Variants in KCNQ3 observed in about 807,000 individuals in gnomAD.
The protein encoded by KCNQ3 is potassium voltage-gated channel subfamily Q member 3, also known as potassium voltage-gated channel subfamily KQT member 3.
In KCNQ3, 30 loss-of-function variants were observed where a neutral mutation model predicts 92.5. The ratio of observed to expected loss-of-function variants is 0.32; its 90% CI spans 0.24 to 0.44. The LOEUF (loss-of-function observed/expected upper bound fraction) is 0.44. Among genes scored for constraint, KCNQ3 ranks in the 20% least tolerant of loss-of-function variants. The pLI is 1.00. For missense variants in KCNQ3, 913 were observed against 1,140.3 expected, an observed-to-expected ratio of 0.80 and a Z score of 2.87; for synonymous variants, 450 against 468.8, an observed-to-expected ratio of 0.96 and a Z score of 0.52.
intron 1 of KCNQ3, among the ~76,000 whole-genome samples, chr8:132,414,968 C>T (rs1158042288): frequency 6.6e-6 from 1 of 152,212 alleles, no homozygotes; most frequent in Non-Finnish European, 1.5e-5. Flanking sequence ...GACCACCTCC[C>T]GGAGAGGGGC....
intron 1 of KCNQ3, among the ~76,000 whole-genome samples, chr8:132,215,439 T>C (rs532619853): frequency 6.6e-6 from 1 of 152,298 alleles, no homozygotes; most frequent in Admixed American, 6.5e-5. Flanking sequence ...CAGTAGAAGA[T>C]GCATCTCTAT....
In KCNQ3 at chr8:132,128,601, A is replaced by G. The variant is rs1824747870; in HGVS notation, c.*661T>C. 6.6e-6 allele frequency: 1 copy of G among 152,664 alleles called. No individual in the cohort carries two copies. The highest frequency in any genetic ancestry group is 2.4e-5 in the African/African-American group (1 of 41,118). 9.5% of individuals were successfully genotyped at this position (152,664 alleles called of 1,614,324 possible). On this transcript the variant is annotated 3_prime_UTR_variant, in exon 15 of 15. Coordinates refer to ENST00000388996, the MANE Select transcript of KCNQ3 (RefSeq NM_004519.4). ...AAATGCTACACTTGGGATTACCACC[A>G]CTTTTTACAGATAAGGAAACTGAGG... is the stretch of plus-strand genomic sequence containing the variant.
intron 1 of KCNQ3, among the ~76,000 whole-genome samples, chr8:132,273,256 T>G (rs1236323347): frequency 7.2e-5 from 11 of 152,220 alleles, no homozygotes; most frequent in Admixed American, 5.9e-4. Context: ...AAGTGGAGGT[T>G]TACAAACCTC....
chr8:132,220,812 T>C (rs77444033), intron 1 of KCNQ3, among the ~76,000 whole-genome samples: 2 of 122,526 alleles, frequency 1.6e-5, no homozygotes, highest in East Asian at 2.2e-4. Context: ...GGCATGAAAC[T>C]TTTTTTTATT....
chr8:132,360,913 T>G (rs1282476929), intron 1 of KCNQ3, among the ~76,000 whole-genome samples: 1 of 152,230 alleles, frequency 6.6e-6, no homozygotes, highest in Non-Finnish European at 1.5e-5. Context: ...AGGGAGGGAC[T>G]GTGACCTGGC....
intron 1 of KCNQ3, among the ~76,000 whole-genome samples, chr8:132,477,810 A>G (rs1436985574): frequency 2.0e-5 from 3 of 152,154 alleles, no homozygotes; most frequent in Admixed American, 1.3e-4. Context: ...TGCATTAACA[A>G]TGGGGAAAGG....
At chr8:132,364,771 G>A (rs1819272653) in intron 1 of KCNQ3, among the ~76,000 whole-genome samples, 1 of 151,956 alleles carries the variant, frequency 6.6e-6, no homozygotes, top group Admixed American at 6.6e-5. Flanking sequence ...TGGATGGATG[G>A]GTGAGTCAGT....
intron 1 of KCNQ3, among the ~76,000 whole-genome samples, chr8:132,477,689 A>C (rs1337436319): frequency 6.6e-6 from 1 of 152,158 alleles, no homozygotes; most frequent in Non-Finnish European, 1.5e-5. Context: ...TTTTCCTAAC[A>C]CTGTGGCTTC....
chr8:132,391,898 G>C (rs975874419), intron 1 of KCNQ3, among the ~76,000 whole-genome samples: 1 of 152,104 alleles, frequency 6.6e-6, no homozygotes, highest in African/African-American at 2.4e-5. Flanking sequence ...GTATGGACAC[G>C]GTGTGTTTTC....
rs1821270836 is a variant in KCNQ3, at chr8:132,432,201, T to TG, written c.386+47945dup. Among the ~76,000 whole-genome samples, 7 of 152,250 alleles carry TG rather than the reference T, an allele frequency of 4.6e-5. No individual in the cohort carries two copies. In the South Asian group the frequency reaches 1.5e-3, roughly 32 times the overall value. On this transcript the variant is annotated intron_variant, in intron 1 of 14. Transcript: ENST00000388996. Reference sequence around the variant, plus strand: ...CATATCAGCAGCACCTGGGATGGGATGGGGCACTTGGCAGGCCCTCAGTGC... The same window carrying TG: ...CATATCAGCAGCACCTGGGATGGGATGGGGGCACTTGGCAGGCCCTCAGTGC...
At chr8:132,470,371 T>C (rs544245119) in intron 1 of KCNQ3, among the ~76,000 whole-genome samples, 3 of 152,382 alleles carry the variant, frequency 2.0e-5, no homozygotes, top group Admixed American at 1.3e-4. Flanking sequence ...AACATACATA[T>C]ATATTCTCTT....
chr8:132,388,253 G>A (rs1221606012), intron 1 of KCNQ3, among the ~76,000 whole-genome samples: 1 of 152,050 alleles, frequency 6.6e-6, no homozygotes, highest in Non-Finnish European at 1.5e-5. Flanking sequence ...ATTTTAAATG[G>A]ACTTAAATTT....
At chr8:132,468,513 C>T (rs912253187) in intron 1 of KCNQ3, among the ~76,000 whole-genome samples, 1 of 152,212 alleles carries the variant, frequency 6.6e-6, no homozygotes, top group African/African-American at 2.4e-5. Flanking sequence ...GGTAGGACAC[C>T]AGCTTAGGAG....
intron 1 of KCNQ3, among the ~76,000 whole-genome samples, chr8:132,407,894 C>G (rs528930659): frequency 6.6e-6 from 1 of 152,186 alleles, no homozygotes; most frequent in South Asian, 2.1e-4. Context: ...TCCGAGCTAA[C>G]GAAGAGGGCA....
intron 1 of KCNQ3, among the ~76,000 whole-genome samples, chr8:132,307,609 T>C (rs1309229379): frequency 6.6e-6 from 1 of 152,216 alleles, no homozygotes; most frequent in Non-Finnish European, 1.5e-5. Context: ...GACAAAGTTT[T>C]GTTCACTGCA....
chr8:132,138,115 C>A, intron 11 of KCNQ3, 99 bp from the exon 12 acceptor site: 1 of 1,414,798 alleles, frequency 7.1e-7, no homozygotes, highest in Non-Finnish European at 9.8e-7. Context: ...AGAAAAGAAC[C>A]AAAGATAAAA....
rs140091603 is a variant in KCNQ3, at chr8:132,343,892, G to A, written c.386+136255C>T. Among the ~76,000 whole-genome samples the A allele has an allele frequency of 4.5e-4, 68 of 152,278 alleles. 1 individual carries two copies. Among genetic ancestry groups the A allele is most frequent in the African/African-American group, 1.6e-3 (65 of 41,548 alleles). ...CAAATCTGCTCAACGAAGAAGACAG[G>A]AAATGAAATGAGATTTGAAGCCAAG... On this transcript the variant is annotated intron_variant, in intron 1 of 14. Transcript: ENST00000388996.
chr8:132,203,636 A>G (rs1827530509), intron 1 of KCNQ3, among the ~76,000 whole-genome samples: 1 of 152,142 alleles, frequency 6.6e-6, no homozygotes, highest in Admixed American at 6.5e-5. Context: ...TTAAATTTTG[A>G]CTGCATTATT....
chr8:132,454,925 A>G (rs948992988), intron 1 of KCNQ3, among the ~76,000 whole-genome samples: 2 of 152,146 alleles, frequency 1.3e-5, no homozygotes, highest in African/African-American at 2.4e-5. Flanking sequence ...GTCACAAAAC[A>G]ACAAATATTC....
Sources: allele counts gnomAD v4.1 joint callset (sites outside exome capture counted in the v4.1 genomes callset), GRCh38; gene constraint gnomAD v4.1.1; transcripts MANE v1.5; gene names NCBI Gene and HGNC (gene_info 2026-07-23, HGNC 2026-07-21).